Variants in TNRC6A observed in about 807,000 individuals in gnomAD.
The protein encoded by TNRC6A is trinucleotide repeat-containing gene 6A protein.
A neutral mutation model predicts 221.2 loss-of-function variants in TNRC6A; 44 were observed. The observed-to-expected ratio is 0.20, with a 90% CI of 0.16 to 0.26. The LOEUF (loss-of-function observed/expected upper bound fraction) is 0.26, where lower values mean the gene tolerates loss of function less well. Among genes scored for constraint, TNRC6A ranks in the 10% least tolerant of loss-of-function variants. The pLI, the probability that TNRC6A is intolerant of heterozygous loss-of-function variation, is 1.00. For missense variants in TNRC6A, 2,199 were observed against 2,404.4 expected, an observed-to-expected ratio of 0.91 and a Z score of 1.79; for synonymous variants, 847 against 838.5, an observed-to-expected ratio of 1.01 and a Z score of -0.18.
At chr16:24,617,139 T>A (rs1486745552) in intron 1 of TNRC6A, among the ~76,000 whole-genome samples, 1 of 150,686 alleles carries the variant, frequency 6.6e-6, no homozygotes, top group East Asian at 2.0e-4. Flanking sequence ...TTTTGGCAGG[T>A]TGTGGGGATG....
At chr16:24,704,048 C>T (rs2056042008) in intron 2 of TNRC6A, among the ~76,000 whole-genome samples, 1 of 149,704 alleles carries the variant, frequency 6.7e-6, no homozygotes, top group Non-Finnish European at 1.5e-5. Flanking sequence ...CACACCACTG[C>T]ACCCAGCCTG....
At chr16:24,777,445 T>A in intron 5 of TNRC6A, 87 bp downstream of exon 5, 2 of 1,332,240 alleles carry the variant, frequency 1.5e-6, no homozygotes, top group Non-Finnish European at 1.0e-6. Flanking sequence ...TTTGGTGATG[T>A]ATTTGTATTC....
At chr16:24,751,627 C>T (rs2038794955) in intron 3 of TNRC6A, among the ~76,000 whole-genome samples, 1 of 152,110 alleles carries the variant, frequency 6.6e-6, no homozygotes, top group South Asian at 2.1e-4. Context: ...TTAAAATGCT[C>T]TAAAAACCTA....
chr16:24,702,523 G>A (rs530253396), intron 2 of TNRC6A, among the ~76,000 whole-genome samples: 8 of 152,154 alleles, frequency 5.3e-5, no homozygotes. Context: ...TGCTATTTAA[G>A]CTATTGCAGA....
chr16:24,644,200 C>T (rs1323486236), intron 2 of TNRC6A, among the ~76,000 whole-genome samples: 1 of 149,800 alleles, frequency 6.7e-6, no homozygotes, highest in Non-Finnish European at 1.5e-5. Context: ...CATTCTCCTC[C>T]CTCAACCTCC....
Position 24,813,056 on chromosome 16 carries a change from T to C in TNRC6A, c.4673-2091T>C, listed in dbSNP as rs571344806. On this transcript the variant is annotated intron_variant, in intron 18 of 24. Transcript: ENST00000395799. ...ACGCCTGGCTAGTTTTTTGTATTTT[T>C]ATTAGAGATGGAGTTTTGCCATGTT... 3.9e-5 allele frequency among the ~76,000 whole-genome samples: 6 copies of C among 152,060 alleles called. No individual in the cohort carries two copies. The East Asian group carries it at 1.2e-3, about 29-fold the overall frequency.
chr16:24,672,925 G>A (rs964353175), intron 2 of TNRC6A, among the ~76,000 whole-genome samples: 5 of 152,106 alleles, frequency 3.3e-5, no homozygotes, highest in African/African-American at 1.2e-4. Flanking sequence ...TTCTGGCTGG[G>A]CACAGTGGCT....
At chr16:24,668,313 C>A (rs1284664801) in intron 2 of TNRC6A, among the ~76,000 whole-genome samples, 1 of 149,960 alleles carries the variant, frequency 6.7e-6, no homozygotes, top group Non-Finnish European at 1.5e-5. Flanking sequence ...CATTGCACTC[C>A]AGTCTGGGCA....
At chr16:24,636,489 T>C (rs1901641649) in intron 1 of TNRC6A, among the ~76,000 whole-genome samples, 1 of 151,852 alleles carries the variant, frequency 6.6e-6, no homozygotes, top group Non-Finnish European at 1.5e-5. Flanking sequence ...TCCCATCTTA[T>C]GCTCTCGAGT....
intron 2 of TNRC6A, among the ~76,000 whole-genome samples, chr16:24,709,610 A>G (rs769453118): frequency 6.6e-6 from 1 of 151,924 alleles, no homozygotes; most frequent in Non-Finnish European, 1.5e-5. Context: ...GATCGCTTAG[A>G]GGCCAGGAGT....
chr16:24,768,375 G>A (rs1280751080), intron 4 of TNRC6A, among the ~76,000 whole-genome samples: 2 of 148,222 alleles, frequency 1.3e-5, no homozygotes, highest in African/African-American at 5.0e-5. Context: ...GGAGCTTGCA[G>A]TGAGCCAAGA....
chr16:24,709,206 G>A (rs1023695253), intron 2 of TNRC6A, among the ~76,000 whole-genome samples: 2 of 151,692 alleles, frequency 1.3e-5, no homozygotes, highest in African/African-American at 4.8e-5. Context: ...GCGGTGAACC[G>A]AGATCATACC....
In TNRC6A at chr16:24,794,547, C is replaced by T; in HGVS notation, c.3356C>T (p.Pro1119Leu). 2 of 1,607,920 alleles carry T rather than the reference C, an allele frequency of 1.2e-6. No individual in the cohort carries two copies. The highest frequency in any genetic ancestry group is 1.7e-6 in the Non-Finnish European group (2 of 1,178,030). The change falls in exon 8 of 25, where the codon CCA becomes CTA. Residue 1119 changes from proline (P) to leucine (L), a missense_variant. Coordinates refer to ENST00000395799, the MANE Select transcript of TNRC6A (RefSeq NM_014494.4). ...TATATCACAAATCCACAATCAGGGC[C>T]AAAATCTATGCAAGATGGCTGGTGT... is the stretch of plus-strand genomic sequence containing the variant. ...VGPQALSKSG[P>L]KSMQDGWCGD... is the part of the protein sequence containing the mutation.
Position 24,729,668 on chromosome 16 carries a change from TGCGGCGGCGGCGGTGTCGGCG to T in TNRC6A, c.-160_-140del, listed in dbSNP as rs1025581060. ...GGGCATTCACTTCCGGTCTGGGGCC[TGCGGCGGCGGCGGTGTCGGCG>T]GCGGCGGCGGCGGCGGCGGCGGCGG... On this transcript the variant is annotated 5_prime_UTR_variant, in exon 1 of 25. Coordinates refer to ENST00000395799, the MANE Select transcript of TNRC6A (RefSeq NM_014494.4). 1.0e-4 allele frequency: 68 copies of T among 649,332 alleles called. 2 individuals are homozygous for T. Among genetic ancestry groups the T allele is most frequent in the Middle Eastern group, 5.0e-4 (1 of 2,006 alleles). 40.2% of individuals were successfully genotyped at this position (649,332 alleles called of 1,614,324 possible). A position where few individuals can be genotyped will look rare whatever the true frequency, so the allele number is the denominator to read the frequency against.
Position 24,823,510 on chromosome 16 carries a change from G to T in TNRC6A, c.5592G>T (p.Gln1864His). 1.2e-6 allele frequency: 2 copies of T among 1,614,162 alleles called. No individual in the cohort carries two copies. The highest frequency in any genetic ancestry group is 2.2e-5 in the East Asian group (1 of 44,872). The change falls in exon 25 of 25, where the codon CAG (glutamine) becomes CAT (histidine). Residue 1864 changes from glutamine (Q) to histidine (H), a missense_variant. By Grantham distance (24) the Gln-to-His change is conservative. Around this residue, in one of 8 missense-constraint regions of TNRC6A, gnomAD observed 20 missense variants for 25.6 expected, o/e 0.78. Transcript: ENST00000395799. This position sits in a 1 kb window ranked among gnomAD's most constrained non-coding sequence, Gnocchi z 4.3. The part of the protein sequence containing the change: ...EEISRFFAQS[Q>H]SLTPSPGWQS... ...TCAGTCGTTTCTTTGCACAAAGCCA[G>T]TCTCTGACCCCTTCTCCCGGCTGGC...
At chr16:24,666,581 C>T (rs1302016118) in intron 2 of TNRC6A, among the ~76,000 whole-genome samples, 1 of 132,062 alleles carries the variant, frequency 7.6e-6, no homozygotes, top group African/African-American at 2.8e-5. Flanking sequence ...TCAAGGCTGC[C>T]AATGAGCTAT....
chr16:24,813,426 A>G (rs905309340), intron 18 of TNRC6A, among the ~76,000 whole-genome samples: 4 of 152,350 alleles, frequency 2.6e-5, no homozygotes, highest in Admixed American at 6.5e-5. Context: ...AAGTGAGAAC[A>G]TACAATATTT....
At position 24,826,142 on chromosome 16, in the gene TNRC6A, A is replaced by G. The variant is rs2058854035; in HGVS notation, c.*2335A>G. ...GGCTTTGAGTAGTATATAATTCATA[A>G]CTGCGTTAATTGTATTGTTAAAGTG... On this transcript the variant is annotated 3_prime_UTR_variant, in exon 25 of 25. Transcript: ENST00000395799. 1 of 152,672 alleles carries G rather than the reference A, an allele frequency of 6.5e-6. No individual in the cohort carries two copies. The highest frequency in any genetic ancestry group is 6.5e-5 in the Admixed American group (1 of 15,288). 9.5% of individuals were successfully genotyped at this position (152,672 alleles called of 1,614,324 possible).
rs1191738490 is a variant in TNRC6A, at chr16:24,687,944, CTTTTCTTTTCTTTTT to C, written n.402+46940_402+46954del. ...CTTTTCTTTTCTTTTCTTTTCTTTTCTTTTCTTTTCTTTTTTTTTTTTTTGTCGCCCAGGCTAGAG... is the reference window on the plus strand; with the variant it reads ...CTTTTCTTTTCTTTTCTTTTCTTTTCTTTTTTTTTGTCGCCCAGGCTAGAG... On this transcript the variant is annotated intron_variant and non_coding_transcript_variant, in intron 2 of 2. Coordinates refer to the TNRC6A transcript ENST00000566108. Among the ~76,000 whole-genome samples the C allele has an allele frequency of 5.8e-3, 644 of 111,364 alleles. 11 individuals are homozygous for C. The highest frequency in any genetic ancestry group is 0.022 in the African/African-American group (618 of 27,914). 73.1% of individuals were successfully genotyped at this position (111,364 alleles called of 152,430 possible).
Sources: allele counts gnomAD v4.1 joint callset (sites outside exome capture counted in the v4.1 genomes callset), GRCh38; gene constraint gnomAD v4.1.1; regional missense constraint gnomAD v4.1.1; non-coding constraint Gnocchi (gnomAD v3.1); transcripts MANE v1.5; gene names NCBI Gene and HGNC (gene_info 2026-07-23, HGNC 2026-07-21).